The following AKAIN1 variants were observed in gnomAD, a reference collection of about 807,000 sequenced individuals.
AKAIN1 encodes the protein A-kinase anchor protein inhibitor 1.
AKAIN1 carries 3 observed loss-of-function variants against 3.7 expected under a neutral mutation model. That is an observed-to-expected ratio of 0.82 (90% confidence interval 0.37 to 2.12). The LOEUF (loss-of-function observed/expected upper bound fraction) is 2.12, where lower values mean the gene tolerates loss of function less well. Ranked by LOEUF, AKAIN1 falls within the 30% of genes most tolerant of loss-of-function variation. AKAIN1 has a pLI of 0.06. For synonymous variants in AKAIN1, 31 were observed against 30.8 expected, an observed-to-expected ratio of 1.01 and a Z score of -0.02; for missense variants, 82 against 82.7, an observed-to-expected ratio of 0.99 and a Z score of 0.03.
rs763475612 is a variant in AKAIN1, at chr18:5,159,989, A to G, written c.17-14234T>C. Among the ~76,000 whole-genome samples the G allele has an allele frequency of 2.6e-5, 4 of 152,210 alleles. No homozygotes were observed. The South Asian group carries it at 8.3e-4, about 31-fold the overall frequency. On this transcript the variant is annotated intron_variant, in intron 1 of 1. Transcript: ENST00000434239. ...TGCCCCATTTAATGAATAGACCACAATGTTTCCATTCCATCAGTAATAGAA... is the reference window on the plus strand; with the variant it reads ...TGCCCCATTTAATGAATAGACCACAGTGTTTCCATTCCATCAGTAATAGAA...
intron 1 of AKAIN1, among the ~76,000 whole-genome samples, chr18:5,189,252 G>C (rs531030662): frequency 1.3e-5 from 2 of 152,198 alleles, no homozygotes; most frequent in Admixed American, 6.5e-5. Flanking sequence ...GAAGATCTTC[G>C]AAATGCCTTT....
chr18:5,150,694 C>G (rs1465390062), intron 1 of AKAIN1, among the ~76,000 whole-genome samples: 2 of 152,132 alleles, frequency 1.3e-5, no homozygotes. Context: ...CTCTGCAGCT[C>G]CCCACCACGC....
At chr18:5,179,010 A>G (rs2071242080) in intron 1 of AKAIN1, among the ~76,000 whole-genome samples, 1 of 152,178 alleles carries the variant, frequency 6.6e-6, no homozygotes, top group Admixed American at 6.6e-5. Flanking sequence ...AGCTATGGTT[A>G]GAGAAACTAA....
intron 1 of AKAIN1, among the ~76,000 whole-genome samples, chr18:5,182,573 C>A (rs892678150): frequency 2.0e-5 from 3 of 152,078 alleles, no homozygotes; most frequent in Non-Finnish European, 4.4e-5. Flanking sequence ...CTGCAACAAC[C>A]AACTTTGCTT....
At chr18:5,181,238 G>A (rs917007190) in intron 1 of AKAIN1, among the ~76,000 whole-genome samples, 18 of 152,138 alleles carry the variant, frequency 1.2e-4, no homozygotes, top group African/African-American at 4.3e-4. Context: ...GCTACAGTGA[G>A]CTGTGATTGC....
intron 1 of AKAIN1, among the ~76,000 whole-genome samples, chr18:5,195,478 T>C (rs2071342462): frequency 6.6e-6 from 1 of 152,178 alleles, no homozygotes; most frequent in Non-Finnish European, 1.5e-5. Context: ...ATGCTGAGTC[T>C]CTGGCTACAT....
chr18:5,178,728 A>G (rs1034310472), intron 1 of AKAIN1, among the ~76,000 whole-genome samples: 4 of 152,098 alleles, frequency 2.6e-5, no homozygotes, highest in Non-Finnish European at 4.4e-5. Flanking sequence ...CACACAGTCA[A>G]CTTCCTGGAG....
chr18:5,196,549 G>A (rs981894637), intron 1 of AKAIN1, among the ~76,000 whole-genome samples: 2 of 152,208 alleles, frequency 1.3e-5, no homozygotes, highest in African/African-American at 4.8e-5. Flanking sequence ...TCTGCCCTTC[G>A]TCCTACTCCC....
chr18:5,158,494 T>A (rs2071120902), intron 1 of AKAIN1, among the ~76,000 whole-genome samples: 1 of 152,228 alleles, frequency 6.6e-6, no homozygotes, highest in Admixed American at 6.5e-5. Flanking sequence ...CTCTGCCATC[T>A]CCTAGCTTCT....
chr18:5,169,997 A>C (rs1376071145), intron 1 of AKAIN1, among the ~76,000 whole-genome samples: 1 of 152,182 alleles, frequency 6.6e-6, no homozygotes, highest in Non-Finnish European at 1.5e-5. Flanking sequence ...GGGTACAATT[A>C]TACTTGTCAG....
chr18:5,192,984 C>T (rs549694396), intron 1 of AKAIN1, among the ~76,000 whole-genome samples: 72 of 152,080 alleles, frequency 4.7e-4, no homozygotes, highest in Non-Finnish European at 9.0e-4. Flanking sequence ...AAAGACTATG[C>T]TAACAGAAAA....
At chr18:5,152,133 A>G (rs1419354114) in intron 1 of AKAIN1, among the ~76,000 whole-genome samples, 1 of 152,154 alleles carries the variant, frequency 6.6e-6, no homozygotes, top group Non-Finnish European at 1.5e-5. Context: ...GGACAGAAAT[A>G]TAGTTAATTA....
chr18:5,190,297 G>T (rs2071311686), intron 1 of AKAIN1, among the ~76,000 whole-genome samples: 1 of 152,062 alleles, frequency 6.6e-6, no homozygotes, highest in Non-Finnish European at 1.5e-5. Flanking sequence ...TTTTGCAGGG[G>T]CTATTACTAT....
chr18:5,179,421 G>GTA (rs2071244576), intron 1 of AKAIN1, among the ~76,000 whole-genome samples: 1 of 120,944 alleles, frequency 8.3e-6, no homozygotes, highest in Non-Finnish European at 1.9e-5. Flanking sequence ...GTATGTATGT[G>GTA]TGTATATATA....
At chr18:5,187,369 T>C (rs1370014094) in intron 1 of AKAIN1, among the ~76,000 whole-genome samples, 2 of 152,170 alleles carry the variant, frequency 1.3e-5, no homozygotes, top group Non-Finnish European at 2.9e-5. Flanking sequence ...TTTCTGCTGG[T>C]ATAACATAAT....
rs542814655 is a variant in AKAIN1 at position 5,143,761 on chromosome 18, T to G, written c.*1801A>C. On this transcript the variant is annotated 3_prime_UTR_variant, in exon 2 of 2. Transcript: ENST00000434239. ...TAAGATGTTCCAAAAATTCCCAATT[T>G]TTTAGTACAGACACATCAGAGAGGA... Among the ~76,000 whole-genome samples, 1 of 152,342 alleles carries G rather than the reference T, an allele frequency of 6.6e-6. No individual in the cohort carries two copies. Among genetic ancestry groups the G allele is most frequent in the African/African-American group, 2.4e-5 (1 of 41,586 alleles).
upstream of AKAIN1, chr18:5,197,427 G>A: frequency 3.2e-6 from 4 of 1,243,026 alleles, no homozygotes; most frequent in Non-Finnish European, 4.0e-6. The surrounding 1 kb of genome is among the most constrained non-coding windows in gnomAD (Gnocchi z 6.9). Context: ...TTCCCGGCAG[G>A]GGACAGTGAA....
At position 5,197,238 on chromosome 18, in the gene AKAIN1, G is replaced by A; in HGVS notation, c.-185C>T. The stretch of plus-strand genomic sequence containing the variant: ...TGGGGCCGCAGCTCCAGCCGCCGCC[G>A]CGCGCTCTGCCTCCACAATGCGGCC... On this transcript the variant is annotated 5_prime_UTR_variant, in exon 1 of 2. Coordinates refer to ENST00000434239, the MANE Select transcript of AKAIN1 (RefSeq NM_001145194.2). This position sits in a 1 kb window ranked among gnomAD's most constrained non-coding sequence, Gnocchi z 6.9. The A allele has an allele frequency of 7.2e-7, 1 of 1,382,962 alleles. No homozygotes were observed. The highest frequency in any genetic ancestry group is 1.7e-5 in the South Asian group (1 of 59,298). 85.7% of individuals were successfully genotyped at this position (1,382,962 alleles called of 1,614,324 possible). A position where few individuals can be genotyped will look rare whatever the true frequency, so the allele number is the denominator to read the frequency against.
At chr18:5,150,212 A>C (rs937446600) in intron 1 of AKAIN1, among the ~76,000 whole-genome samples, 8 of 152,170 alleles carry the variant, frequency 5.3e-5, no homozygotes, top group South Asian at 2.1e-4. Context: ...ACTTGTAAGG[A>C]CAAGATATTT....
Sources: allele counts gnomAD v4.1 joint callset (sites outside exome capture counted in the v4.1 genomes callset), GRCh38; gene constraint gnomAD v4.1.1; non-coding constraint Gnocchi (gnomAD v3.1); transcripts MANE v1.5; gene names NCBI Gene and HGNC (gene_info 2026-07-23, HGNC 2026-07-21).